Variants in DNER observed in about 807,000 individuals in gnomAD.
DNER encodes delta and Notch-like epidermal growth factor-related receptor.
A neutral mutation model predicts 78.2 loss-of-function variants in DNER; 33 were observed. The ratio of observed to expected loss-of-function variants is 0.42; its 90% CI spans 0.32 to 0.56. The LOEUF is 0.56. Ranked by LOEUF, DNER falls within the 20% of genes least tolerant of loss-of-function variation. DNER has a pLI of 0.11. For missense variants in DNER, 918 were observed against 975.3 expected, an observed-to-expected ratio of 0.94 and a Z score of 0.78; for synonymous variants, 417 against 384.8, an observed-to-expected ratio of 1.08 and a Z score of -0.98.
chr2:229,559,675 C>A (rs1696919701), intron 4 of DNER, among the ~76,000 whole-genome samples: 1 of 152,138 alleles, frequency 6.6e-6, no homozygotes, highest in East Asian at 1.9e-4. Context: ...CAGTGCTGGA[C>A]TTGAGAGGCT....
intron 1 of DNER, among the ~76,000 whole-genome samples, chr2:229,597,244 G>A (rs1419515277): frequency 6.6e-6 from 1 of 152,182 alleles, no homozygotes; most frequent in Non-Finnish European, 1.5e-5. Context: ...AACAATGGCA[G>A]CTTTCTGCCA....
intron 4 of DNER, among the ~76,000 whole-genome samples, chr2:229,572,458 A>C (rs1697233192): frequency 6.6e-6 from 1 of 152,232 alleles, no homozygotes; most frequent in Non-Finnish European, 1.5e-5. Context: ...TTCAGCTTGA[A>C]AGGGAGAAAG....
chr2:229,569,657 G>A (rs1697180462), intron 4 of DNER, among the ~76,000 whole-genome samples: 1 of 152,060 alleles, frequency 6.6e-6, no homozygotes, highest in South Asian at 2.1e-4. Context: ...CTAATAGAAG[G>A]TCAATGCTAT....
chr2:229,452,086 T>C (rs1694469737), intron 7 of DNER, among the ~76,000 whole-genome samples: 1 of 152,186 alleles, frequency 6.6e-6, no homozygotes, highest in Admixed American at 6.5e-5. Context: ...ATGTTACACT[T>C]GGGAGCTTAC....
At chr2:229,582,639 T>C (rs530679564) in intron 4 of DNER, among the ~76,000 whole-genome samples, 1 of 152,284 alleles carries the variant, frequency 6.6e-6, no homozygotes, top group Non-Finnish European at 1.5e-5. Context: ...TAGTTATTAA[T>C]ATATCAAAGT....
chr2:229,704,778 T>C (rs935200644), intron 1 of DNER, among the ~76,000 whole-genome samples: 1 of 152,244 alleles, frequency 6.6e-6, no homozygotes, highest in African/African-American at 2.4e-5. Flanking sequence ...AGAGTGAATT[T>C]TACTGTATGT....
At chr2:229,386,799 T>C (rs1692877108) in intron 11 of DNER, among the ~76,000 whole-genome samples, 2 of 152,052 alleles carry the variant, frequency 1.3e-5, no homozygotes, top group South Asian at 4.2e-4. Flanking sequence ...TCAGTTAGAA[T>C]GGCGATTATT....
chr2:229,517,641 C>G (rs1192494210), intron 5 of DNER, among the ~76,000 whole-genome samples: 4 of 152,194 alleles, frequency 2.6e-5, no homozygotes, highest in Non-Finnish European at 5.9e-5. Flanking sequence ...TGAGAGGTCA[C>G]TGGGCGTGCC....
chr2:229,510,835 T>A (rs1382350618), intron 6 of DNER, among the ~76,000 whole-genome samples: 1 of 152,142 alleles, frequency 6.6e-6, no homozygotes, highest in African/African-American at 2.4e-5. Context: ...ATGAGGTCAC[T>A]CCATATAAAC....
At chr2:229,466,050 A>G (rs559471125) in intron 7 of DNER, among the ~76,000 whole-genome samples, 9 of 152,162 alleles carry the variant, frequency 5.9e-5, no homozygotes, top group Admixed American at 2.6e-4. Flanking sequence ...ACAGGCTCCT[A>G]ACAGGTTTCT....
intron 1 of DNER, among the ~76,000 whole-genome samples, chr2:229,682,274 AC>A (rs1350128613): frequency 6.6e-6 from 1 of 152,246 alleles, no homozygotes; most frequent in Non-Finnish European, 1.5e-5. Flanking sequence ...GAAACCTTGT[AC>A]ATAGAATGTT....
At chr2:229,432,413 G>A (rs981497463) in intron 8 of DNER, among the ~76,000 whole-genome samples, 4 of 152,018 alleles carry the variant, frequency 2.6e-5, no homozygotes, top group African/African-American at 9.7e-5. Flanking sequence ...ACTCTATTAT[G>A]GCACTTTGAA....
intron 9 of DNER, among the ~76,000 whole-genome samples, chr2:229,415,570 A>G (rs1693631738): frequency 6.6e-6 from 1 of 152,206 alleles, no homozygotes; most frequent in Non-Finnish European, 1.5e-5. Context: ...TCACATAAAT[A>G]TCAAATATTT....
intron 6 of DNER, among the ~76,000 whole-genome samples, chr2:229,484,939 C>T (rs7562276): frequency 0.13 from 19,049 of 152,170 alleles, 1,333 homozygotes; most frequent in South Asian, 0.2. Flanking sequence ...TCAGCATTCT[C>T]AGGAATATTT....
chr2:229,364,282 C>T (rs1004259342), intron 12 of DNER, among the ~76,000 whole-genome samples: 5 of 152,138 alleles, frequency 3.3e-5, no homozygotes, highest in East Asian at 3.9e-4. Flanking sequence ...CCTCTCAAGC[C>T]GGTCAAGGCA....
chr2:229,563,569 A>C (rs1574904661), intron 4 of DNER, among the ~76,000 whole-genome samples: 2 of 112,662 alleles, frequency 1.8e-5, no homozygotes, highest in Admixed American at 9.1e-5. Flanking sequence ...CATCATCCTC[A>C]CCCCATTGCC....
At chr2:229,425,270 T>C (rs780542166) in intron 8 of DNER, among the ~76,000 whole-genome samples, 1 of 152,130 alleles carries the variant, frequency 6.6e-6, no homozygotes, top group Non-Finnish European at 1.5e-5. Flanking sequence ...CTGGTGATTT[T>C]TGAGCTAACG....
At chr2:229,691,736 TA>T (rs367750179) in intron 1 of DNER, among the ~76,000 whole-genome samples, 1,702 of 145,818 alleles carry the variant, frequency 0.012, 27 homozygotes, top group African/African-American at 0.037. Flanking sequence ...AACAATTGGT[TA>T]AAAAAAAAAA....
chr2:229,426,655 T>G (rs1360224962), intron 8 of DNER, among the ~76,000 whole-genome samples: 1 of 152,122 alleles, frequency 6.6e-6, no homozygotes. Flanking sequence ...AGTGAGTGTG[T>G]GCATCTATCT....
Sources: allele counts gnomAD v4.1 joint callset (sites outside exome capture counted in the v4.1 genomes callset), GRCh38; gene constraint gnomAD v4.1.1; transcripts MANE v1.5; gene names NCBI Gene and HGNC (gene_info 2026-07-23, HGNC 2026-07-21).